The following QSER1 variants were observed in gnomAD, a reference collection of about 807,000 sequenced individuals.
The protein encoded by QSER1 is glutamine and serine-rich protein 1.
Under a neutral mutation model 158.5 loss-of-function variants are expected in QSER1, and 49 were observed. That is an observed-to-expected ratio of 0.31 (90% CI 0.25 to 0.39). The LOEUF is 0.39. Ranked by LOEUF, QSER1 falls within the 10% of genes least tolerant of loss-of-function variation. The pLI, the probability that QSER1 is intolerant of heterozygous loss-of-function variation, is 1.00. For synonymous variants in QSER1, 650 were observed against 715.5 expected (o/e 0.91, Z 1.46); for missense variants, 1,754 against 2,010.3 (o/e 0.87, Z 2.44).
chr11:32,904,692 A>G (rs1266387999), intron 1 of QSER1, among the ~76,000 whole-genome samples: 1 of 150,604 alleles, frequency 6.6e-6, no homozygotes, highest in Non-Finnish European at 1.5e-5. Context: ...GGTGTTAGGA[A>G]TGCTCTTATC....
At chr11:32,905,797 C>G (rs1016005028) in intron 1 of QSER1, among the ~76,000 whole-genome samples, 2 of 151,948 alleles carry the variant, frequency 1.3e-5, no homozygotes, top group African/African-American at 4.8e-5. Context: ...ACTGGGCTGC[C>G]TTTTAAGAAG....
chr11:32,940,460 A>G (rs1178722707), intron 4 of QSER1, among the ~76,000 whole-genome samples: 1 of 152,188 alleles, frequency 6.6e-6, no homozygotes, highest in East Asian at 1.9e-4. Flanking sequence ...ATTAGCTTAT[A>G]GTATTTTTTG....
At chr11:32,946,446 C>T (rs1029879278) in intron 4 of QSER1, among the ~76,000 whole-genome samples, 18 of 151,526 alleles carry the variant, frequency 1.2e-4, no homozygotes, top group African/African-American at 4.4e-4. Flanking sequence ...TGTTAGTTTT[C>T]CTTCTAACAG....
In QSER1 at chr11:32,911,431, A is replaced by C. The variant is rs114199773; in HGVS notation, c.210-15726A>C. Reference sequence around the variant, plus strand: ...TTTTAGAAGAAATAAAAAAATAAAAAAGTACCAAGTTATGAATGATTACTC... The same window carrying C: ...TTTTAGAAGAAATAAAAAAATAAAACAGTACCAAGTTATGAATGATTACTC... On this transcript the variant is annotated intron_variant, in intron 1 of 12. Coordinates refer to ENST00000650167, the MANE Select transcript of QSER1 (RefSeq NM_001076786.3). Among the ~76,000 whole-genome samples the C allele has an allele frequency of 1.5e-3, 224 of 152,254 alleles. 3 individuals carry two copies. Among genetic ancestry groups the C allele is most frequent in the African/African-American group, 5.2e-3 (215 of 41,502 alleles).
Position 32,893,856 on chromosome 11 carries a change from C to T in QSER1, c.209+522C>T, listed in dbSNP as rs1851518971. Among the ~76,000 whole-genome samples the T allele has an allele frequency of 6.6e-6, 1 of 152,070 alleles. No homozygotes were observed. The highest frequency in any genetic ancestry group is 1.5e-5 in the Non-Finnish European group (1 of 67,998). ...CGGGAGGGCTGGGCTACGGGAGAATCCCCGGGGCGCAGGGCAGAAGAGGGG... is the reference window on the plus strand; with the variant it reads ...CGGGAGGGCTGGGCTACGGGAGAATTCCCGGGGCGCAGGGCAGAAGAGGGG... On this transcript the variant is annotated intron_variant, in intron 1 of 12. Coordinates refer to ENST00000650167, the MANE Select transcript of QSER1 (RefSeq NM_001076786.3). The surrounding 1 kb of genome is among the most constrained non-coding windows in gnomAD (Gnocchi z 4.7).
intron 1 of QSER1, among the ~76,000 whole-genome samples, chr11:32,910,794 T>G (rs1253753445): frequency 6.6e-6 from 1 of 152,164 alleles, no homozygotes; most frequent in Non-Finnish European, 1.5e-5. Flanking sequence ...GGCCATAAAT[T>G]AGGATTTACA....
intron 7 of QSER1, 56 bp downstream of exon 7, chr11:32,956,177 A>C: frequency 7.0e-7 from 1 of 1,426,216 alleles, no homozygotes; most frequent in Non-Finnish European, 9.8e-7. Context: ...ATTATTGATG[A>C]TACCAATGTA....
At chr11:32,945,929 C>G (rs1564939647) in intron 4 of QSER1, among the ~76,000 whole-genome samples, 1 of 150,706 alleles carries the variant, frequency 6.6e-6, no homozygotes, top group Non-Finnish European at 1.5e-5. Context: ...GGAGGCTTTG[C>G]TCGTTTCTTT....
At chr11:32,929,908 A>G (rs892124689) in intron 3 of QSER1, among the ~76,000 whole-genome samples, 1 of 152,192 alleles carries the variant, frequency 6.6e-6, no homozygotes, top group Non-Finnish European at 1.5e-5. Context: ...GCTCCTTACT[A>G]CCACTTTAAG....
chr11:32,973,815 T>C (rs1207275184), intron 11 of QSER1, among the ~76,000 whole-genome samples: 2 of 152,240 alleles, frequency 1.3e-5, no homozygotes, highest in Non-Finnish European at 2.9e-5. Flanking sequence ...CTCATGTTTA[T>C]ATATTTGTAG....
intron 1 of QSER1, among the ~76,000 whole-genome samples, chr11:32,907,822 G>T (rs1851713315): frequency 2.0e-5 from 3 of 152,200 alleles, no homozygotes; most frequent in Admixed American, 2.0e-4. Context: ...CATAGGCTGG[G>T]CACGGTGGCT....
intron 11 of QSER1, among the ~76,000 whole-genome samples, chr11:32,974,343 T>G (rs1852932025): frequency 2.0e-5 from 3 of 151,964 alleles, no homozygotes. Context: ...GGAGGATCGC[T>G]TGAGTCCAGG....
intron 1 of QSER1, among the ~76,000 whole-genome samples, chr11:32,918,167 G>A (rs933868303): frequency 2.0e-5 from 3 of 152,060 alleles, no homozygotes; most frequent in African/African-American, 7.2e-5. Flanking sequence ...ACTGTACATG[G>A]GTTGTAATTA....
At chr11:32,976,188 T>C (rs1269967795) in intron 12 of QSER1, 146 bp from the exon 13 acceptor site, 2 of 603,566 alleles carry the variant, frequency 3.3e-6, no homozygotes, top group African/African-American at 3.9e-5. Context: ...GAGCCAAAGA[T>C]GAGAGGATGA....
chr11:32,931,849 C>T lies in QSER1; in HGVS notation c.591C>T (p.Ser197=). The T allele has an allele frequency of 1.9e-6, 3 of 1,614,188 alleles. No homozygotes were observed. Among genetic ancestry groups the T allele is most frequent in the Non-Finnish European group, 2.5e-6 (3 of 1,180,010 alleles). Residue 197 remains serine, a synonymous_variant, in exon 4 of 13, where the codon AGC becomes AGT. Coordinates refer to ENST00000650167, the MANE Select transcript of QSER1 (RefSeq NM_001076786.3). ...CTTATCAGCATCCCACCACCTTCAG[C>T]AATAGAAACTTTGCTACCACTTCAC... ...LSAYQHPTTF[S]NRNFATTSPL... is the part of the protein sequence containing the mutation.
intron 1 of QSER1, among the ~76,000 whole-genome samples, chr11:32,924,149 A>G (rs2133531271): frequency 6.6e-6 from 1 of 152,218 alleles, no homozygotes; most frequent in East Asian, 1.9e-4. Context: ...AAAATAAAAC[A>G]ATAGGAGAAT....
chr11:32,950,639 T>G lies in QSER1; in HGVS notation c.4178-3218T>G, dbSNP rs1204043511. Among the ~76,000 whole-genome samples, 3 of 152,212 alleles carry G rather than the reference T, an allele frequency of 2.0e-5. No individual in the cohort carries two copies. In the East Asian group the frequency reaches 5.8e-4, roughly 29 times the overall value. ...TTCATAGACTTGTGCAGCATTTGTA[T>G]CATTCAAAGAGAAACCCTGTATCCA... On this transcript the variant is annotated intron_variant, in intron 4 of 12. Transcript: ENST00000650167.
chr11:32,958,874 G>A (rs960062924), intron 8 of QSER1, among the ~76,000 whole-genome samples: 25 of 152,028 alleles, frequency 1.6e-4, no homozygotes, highest in African/African-American at 6.0e-4. Flanking sequence ...TCCTCTCTTA[G>A]TTTTCTTGTT....
At chr11:32,946,946 A>T (rs1852344061) in intron 4 of QSER1, among the ~76,000 whole-genome samples, 1 of 152,256 alleles carries the variant, frequency 6.6e-6, no homozygotes, top group Non-Finnish European at 1.5e-5. Flanking sequence ...CCGTTTTTTA[A>T]GCCCGTCAGA....
Sources: allele counts gnomAD v4.1 joint callset (sites outside exome capture counted in the v4.1 genomes callset), GRCh38; gene constraint gnomAD v4.1.1; non-coding constraint Gnocchi (gnomAD v3.1); transcripts MANE v1.5; gene names NCBI Gene and HGNC (gene_info 2026-07-23, HGNC 2026-07-21).